CRYZL1: variants seen among roughly 807,000 people sequenced by gnomAD.
The protein encoded by CRYZL1 is ferry endosomal RAB5 effector complex subunit 4.
A neutral mutation model predicts 50.6 loss-of-function variants in CRYZL1; 34 were observed. That is an observed-to-expected ratio of 0.67 (90% CI 0.51 to 0.89). CRYZL1 has a LOEUF of 0.89. Among genes scored for constraint, CRYZL1 ranks in the 40% least tolerant of loss-of-function variants. The pLI is 0.00. For synonymous variants in CRYZL1, 125 were observed against 134.3 expected (o/e 0.93, Z 0.48); for missense variants, 354 against 402.3 (o/e 0.88, Z 1.03).
At chr21:33,629,047 T>C (rs1449108509) in intron 2 of CRYZL1, among the ~76,000 whole-genome samples, 2 of 133,454 alleles carry the variant, frequency 1.5e-5, no homozygotes, top group Non-Finnish European at 3.1e-5. Context: ...CTGGGCAACA[T>C]GGCAAAACCT....
chr21:33,639,317 T>C (rs2087248574), intron 1 of CRYZL1, among the ~76,000 whole-genome samples: 1 of 152,240 alleles, frequency 6.6e-6, no homozygotes, highest in Admixed American at 6.5e-5. Context: ...TACTATTCAA[T>C]GTAGGGCTAT....
intron 8 of CRYZL1, among the ~76,000 whole-genome samples, chr21:33,600,480 A>T (rs1388527965): frequency 6.6e-6 from 1 of 152,152 alleles, no homozygotes; most frequent in Non-Finnish European, 1.5e-5. Context: ...TGCTCAGATT[A>T]GTGGTGTAGT....
At chr21:33,632,752 CTA>C (rs950989393) in intron 1 of CRYZL1, among the ~76,000 whole-genome samples, 14 of 152,150 alleles carry the variant, frequency 9.2e-5, no homozygotes, top group Middle Eastern at 3.2e-3. Flanking sequence ...TGTGGTAAGA[CTA>C]TTTTTTATGC....
chr21:33,594,150 C>T (rs1410936767), intron 11 of CRYZL1, among the ~76,000 whole-genome samples: 1 of 150,492 alleles, frequency 6.6e-6, no homozygotes, highest in Non-Finnish European at 1.5e-5. Flanking sequence ...TTGGATTGGA[C>T]ATTTACTTTT....
intron 2 of CRYZL1, 45 bp downstream of exon 2, chr21:33,631,441 A>G: frequency 7.2e-7 from 1 of 1,387,606 alleles, no homozygotes; most frequent in Non-Finnish European, 9.7e-7. Context: ...TTTATTGCAG[A>G]TAAAAATACA....
chr21:33,592,099 AT>A (rs566912653), intron 11 of CRYZL1, among the ~76,000 whole-genome samples: 2 of 142,466 alleles, frequency 1.4e-5, no homozygotes, highest in African/African-American at 2.6e-5. Flanking sequence ...TGGTTATGCT[AT>A]TTTTTTTGTT....
chr21:33,610,876 C>T (rs552084054), intron 6 of CRYZL1, among the ~76,000 whole-genome samples: 1 of 150,444 alleles, frequency 6.6e-6, no homozygotes, highest in South Asian at 2.1e-4. Flanking sequence ...GGATTACAGG[C>T]GCCCACGACC....
chr21:33,624,313 G>A (rs1343203880), intron 3 of CRYZL1, among the ~76,000 whole-genome samples: 4 of 152,144 alleles, frequency 2.6e-5, no homozygotes, highest in African/African-American at 7.2e-5. Context: ...TTGGGAGACC[G>A]AGGCAGGTGG....
intron 6 of CRYZL1, among the ~76,000 whole-genome samples, chr21:33,604,886 G>A (rs766785796): frequency 1.3e-5 from 2 of 152,140 alleles, no homozygotes; most frequent in African/African-American, 4.8e-5. Flanking sequence ...CTAGGTCCCA[G>A]GTATATTATC....
At chr21:33,635,053 A>G (rs2087188696) in intron 1 of CRYZL1, among the ~76,000 whole-genome samples, 1 of 152,002 alleles carries the variant, frequency 6.6e-6, no homozygotes, top group Admixed American at 6.6e-5. Context: ...TTACAAAGTA[A>G]AGAAAGAGAG....
At chr21:33,613,898 C>T (rs1241333441) in intron 5 of CRYZL1, among the ~76,000 whole-genome samples, 2 of 152,130 alleles carry the variant, frequency 1.3e-5, no homozygotes, top group Admixed American at 6.5e-5. Flanking sequence ...ATGGGCTGGG[C>T]GTGGTGGCTC....
intron 8 of CRYZL1, among the ~76,000 whole-genome samples, chr21:33,601,878 A>C (rs1185114769): frequency 6.7e-6 from 1 of 150,122 alleles, no homozygotes; most frequent in African/African-American, 2.4e-5. Flanking sequence ...CGATTGTGCC[A>C]TTGTACTCCA....
rs779702938 is a variant in CRYZL1 at position 33,624,738 on chromosome 21, T to A, written c.89A>T (p.Asp30Val). The A allele has an allele frequency of 4.4e-6, 7 of 1,596,658 alleles. No individual in the cohort carries two copies. The highest frequency in any genetic ancestry group is 8.5e-7 in the Non-Finnish European group (1 of 1,175,816). ...TTTAACTTGAAGTTTCACAAAGTTA[T>A]CCTCTGTAACAGGAAGATCTTCCTA... is the stretch of plus-strand genomic sequence containing the variant. ...QEKEDLPVTE[D>V]NFVKLQVKAC... The change falls in exon 3 of 13, where the codon GAT (aspartate) becomes GTT (valine). Residue 30 changes from aspartate (D) to valine (V), a missense_variant. Coordinates refer to ENST00000381554, the MANE Select transcript of CRYZL1 (RefSeq NM_145858.3).
chr21:33,614,048 T>C (rs1046281384), intron 5 of CRYZL1, among the ~76,000 whole-genome samples: 7 of 151,892 alleles, frequency 4.6e-5, no homozygotes, highest in African/African-American at 1.7e-4. Flanking sequence ...GGCAGGCGCC[T>C]GTAATCCCAG....
intron 1 of CRYZL1, among the ~76,000 whole-genome samples, chr21:33,632,087 C>T (rs567806332): frequency 2.1e-4 from 32 of 151,124 alleles, no homozygotes; most frequent in African/African-American, 7.8e-4. Context: ...CTTTGGGAGG[C>T]CAAGGCAGGC....
intron 6 of CRYZL1, among the ~76,000 whole-genome samples, chr21:33,605,516 G>C (rs919771810): frequency 2.3e-4 from 9 of 38,788 alleles, no homozygotes; most frequent in Admixed American, 2.8e-4. Context: ...TAATTTTTCC[G>C]CAGTACAAGA....
At chr21:33,597,967 A>C (rs937562786) in intron 9 of CRYZL1, among the ~76,000 whole-genome samples, 1 of 152,200 alleles carries the variant, frequency 6.6e-6, no homozygotes, top group Non-Finnish European at 1.5e-5. Flanking sequence ...AAAAAGCAAC[A>C]CACAATGTAT....
In CRYZL1 at chr21:33,620,865, C is replaced by T. The variant is rs534955532; in HGVS notation, c.217+1131G>A. ...ACCAAAGAAGCTAGACAAAGCCAGGCATAATGTCGTGTACCCGTAGACCAG... is the reference window on the plus strand; with the variant it reads ...ACCAAAGAAGCTAGACAAAGCCAGGTATAATGTCGTGTACCCGTAGACCAG... On this transcript the variant is annotated intron_variant, in intron 4 of 12. Transcript: ENST00000381554. 1.4e-3 allele frequency among the ~76,000 whole-genome samples: 205 copies of T among 141,642 alleles called. 1 individual carries two copies. Among genetic ancestry groups the T allele is most frequent in the African/African-American group, 5.3e-3 (202 of 37,994 alleles). The allele number at this position is 141,642 out of a possible 152,430, so 92.9% of individuals were successfully genotyped here. A position where few individuals can be genotyped will look rare whatever the true frequency, so the allele number is the denominator to read the frequency against.
At position 33,619,614 on chromosome 21, in the gene CRYZL1, C is replaced by T. The variant is rs545810982; in HGVS notation, c.217+2382G>A. The stretch of plus-strand genomic sequence containing the variant: ...GGTCTTGCTCTGTTGGCTCAAACTC[C>T]TGTGCTCAAGCCATCCTCTCACCTC... On this transcript the variant is annotated intron_variant, in intron 4 of 12. Coordinates refer to ENST00000381554, the MANE Select transcript of CRYZL1 (RefSeq NM_145858.3). Among the ~76,000 whole-genome samples the T allele has an allele frequency of 4.6e-5, 7 of 151,880 alleles. No homozygotes were observed. In the East Asian group the frequency reaches 1.2e-3, roughly 25 times the overall value.
Sources: gnomAD v4.1 joint callset for allele counts (sites outside exome capture counted in the v4.1 genomes callset) on GRCh38, gnomAD v4.1.1 for gene constraint, MANE v1.5 for transcripts, NCBI Gene and HGNC (gene_info 2026-07-23, HGNC 2026-07-21) for gene names.